The following CFAP99 variants were observed in gnomAD, a reference collection of about 807,000 sequenced individuals.
CFAP99 encodes the protein cilia- and flagella-associated protein 99.
In CFAP99, 84 loss-of-function variants were observed where a neutral mutation model predicts 82.7. The observed-to-expected ratio is 1.02, with a 90% CI of 0.85 to 1.22. The LOEUF (loss-of-function observed/expected upper bound fraction) is 1.22. Ranked by LOEUF, CFAP99 falls within the 50% of genes most tolerant of loss-of-function variation. CFAP99 has a pLI of 0.00. For missense variants in CFAP99, 1,059 were observed against 983.5 expected, an observed-to-expected ratio of 1.08 and a Z score of -1.03; for synonymous variants, 456 against 429.5, an observed-to-expected ratio of 1.06 and a Z score of -0.76.
chr4:2,451,125 C>A (rs1191361169), intron 9 of CFAP99, 107 bp downstream of exon 9: 1 of 1,454,586 alleles, frequency 6.9e-7, no homozygotes, highest in South Asian at 1.2e-5. Context: ...GACCTAGAGT[C>A]CCAAGGACGG....
At chr4:2,458,480 C>T (rs1734487573) in intron 11 of CFAP99, among the ~76,000 whole-genome samples, 1 of 152,106 alleles carries the variant, frequency 6.6e-6, no homozygotes, top group Non-Finnish European at 1.5e-5. Context: ...GCTTCAGATG[C>T]AGGAAGGTTC....
At chr4:2,438,449 A>T (rs1029510044) in intron 4 of CFAP99, among the ~76,000 whole-genome samples, 5 of 151,996 alleles carry the variant, frequency 3.3e-5, no homozygotes, top group African/African-American at 1.2e-4. Flanking sequence ...TTTTTAGTAG[A>T]GACGGGGTTT....
chr4:2,463,001 G>T, downstream of CFAP99: 2 of 837,480 alleles, frequency 2.4e-6, no homozygotes, highest in Non-Finnish European at 3.1e-6. Context: ...TGCGGCCCGC[G>T]GTGCGCGCCT....
exon 3 of CFAP99, chr4:2,436,880 A>G (rs2108719047): frequency 6.5e-7 from 1 of 1,535,598 alleles, no homozygotes; most frequent in South Asian, 1.2e-5. Context: ...CCAGGCTCTG[A>G]GCCCCCAGAA....
At chr4:2,421,336 T>C (rs979773061) in intron 1 of CFAP99, among the ~76,000 whole-genome samples, 2 of 151,066 alleles carry the variant, frequency 1.3e-5, no homozygotes, top group Non-Finnish European at 2.9e-5. Flanking sequence ...AAGAGAAGCT[T>C]TAGTCTGCCC....
intron 2 of CFAP99, among the ~76,000 whole-genome samples, chr4:2,435,125 A>G (rs1733880687): frequency 6.6e-6 from 1 of 152,058 alleles, no homozygotes; most frequent in South Asian, 2.1e-4. Context: ...GTGAAACCCC[A>G]TCTCTACTAA....
At chr4:2,421,029 A>G (rs532876240) in intron 1 of CFAP99, among the ~76,000 whole-genome samples, 1 of 152,362 alleles carries the variant, frequency 6.6e-6, no homozygotes, top group South Asian at 2.1e-4. Context: ...GACCCAGCTA[A>G]AAATCAGAGT....
intron 11 of CFAP99, among the ~76,000 whole-genome samples, chr4:2,453,685 G>A (rs920789818): frequency 2.7e-5 from 4 of 148,418 alleles, no homozygotes; most frequent in Admixed American, 6.7e-5. Flanking sequence ...TCTGTGAACC[G>A]TCTGTCCATG....
rs567847274 is a variant in CFAP99 at position 2,453,642 on chromosome 4, C to A, written c.1161+1296C>A. On this transcript the variant is annotated intron_variant, in intron 11 of 14. Coordinates refer to ENST00000635017, the Ensembl canonical transcript of CFAP99. ...TTATCAGTGAATTTGAGCAAATGTC[C>A]ACATATACATATATAAATGATTTGT... is the stretch of plus-strand genomic sequence containing the variant. 8.4e-5 allele frequency among the ~76,000 whole-genome samples: 8 copies of A among 95,470 alleles called. No homozygotes were observed. In the East Asian group the frequency reaches 2.5e-3, roughly 30 times the overall value. The allele number at this position is 95,470 out of a possible 152,430, so 62.6% of individuals were successfully genotyped here. A position where few individuals can be genotyped will look rare whatever the true frequency, so the allele number is the denominator to read the frequency against.
chr4:2,433,950 C>A (rs1439502876), intron 2 of CFAP99, among the ~76,000 whole-genome samples: 1 of 152,186 alleles, frequency 6.6e-6, no homozygotes, highest in Non-Finnish European at 1.5e-5. Context: ...ACGCCTGACC[C>A]GACATCCATC....
Position 2,452,436 on chromosome 4 carries a change from TGA to T in CFAP99, c.1161+92_1161+93del, listed in dbSNP as rs527429306. The T allele has an allele frequency of 1.5e-4, 199 of 1,361,582 alleles. No homozygotes were observed. The African/African-American group carries it at 2.6e-3, about 18-fold the overall frequency. 84.3% of individuals were successfully genotyped at this position (1,361,582 alleles called of 1,614,324 possible). A position where few individuals can be genotyped will look rare whatever the true frequency, so the allele number is the denominator to read the frequency against. On this transcript the variant is annotated intron_variant, in intron 11 of 14. Coordinates refer to ENST00000635017, the Ensembl canonical transcript of CFAP99. ...GCAGGGCCAGGGCTGGCAGTGGAGC[TGA>T]GTGTCCACAGCGCCCCCGTAGAAGC...
intron 1 of CFAP99, among the ~76,000 whole-genome samples, chr4:2,420,254 A>C (rs1733543903): frequency 6.6e-6 from 1 of 152,012 alleles, no homozygotes; most frequent in South Asian, 2.1e-4. Flanking sequence ...CTACAGTTAC[A>C]TGGTTTTATA....
intron 11 of CFAP99, among the ~76,000 whole-genome samples, chr4:2,457,687 C>T (rs1045805963): frequency 6.6e-6 from 1 of 152,256 alleles, no homozygotes; most frequent in African/African-American, 2.4e-5. Flanking sequence ...ACACACTCAT[C>T]GCTTGCCAAA....
At chr4:2,421,554 A>G (rs959933037) in intron 1 of CFAP99, among the ~76,000 whole-genome samples, 2 of 151,968 alleles carry the variant, frequency 1.3e-5, no homozygotes, top group African/African-American at 4.8e-5. Context: ...GGTTTTCACC[A>G]TGTTGACTGG....
intron 13 of CFAP99, 43 bp from the exon 14 acceptor site, chr4:2,459,994 C>T: frequency 3.3e-6 from 5 of 1,522,028 alleles, no homozygotes; most frequent in Non-Finnish European, 4.4e-6. Flanking sequence ...GCATCGGGGC[C>T]CAGCACAGCT....
At position 2,431,296 on chromosome 4, in the gene CFAP99, G is replaced by C. The variant is rs61087413; in HGVS notation, c.111+4710G>C. 4.6e-3 allele frequency among the ~76,000 whole-genome samples: 705 copies of C among 152,028 alleles called. 53 individuals are homozygous for C. The East Asian group carries it at 0.13, about 27-fold the overall frequency. On this transcript the variant is annotated intron_variant, in intron 2 of 14. Coordinates refer to ENST00000635017, the Ensembl canonical transcript of CFAP99. ...AGGTAGGAGAATGGCGTGAACCTGG[G>C]AGGCGGAGGTTGCAGTGAGTCGAGA...
intron 11 of CFAP99, among the ~76,000 whole-genome samples, chr4:2,457,173 G>A: frequency 6.6e-6 from 1 of 151,890 alleles, no homozygotes; most frequent in Non-Finnish European, 1.5e-5. Context: ...AAACTCCTGA[G>A]CTCAAGCAAT....
chr4:2,447,195 T>A (rs1203810), intron 6 of CFAP99, among the ~76,000 whole-genome samples: 17,734 of 150,634 alleles, frequency 0.12, 1,121 homozygotes, highest in Middle Eastern at 0.24. Context: ...GGTGAGTGAA[T>A]GAATGAATGA....
At chr4:2,419,540 C>T (rs1733498585) in intron 1 of CFAP99, among the ~76,000 whole-genome samples, 1 of 152,192 alleles carries the variant, frequency 6.6e-6, no homozygotes, top group South Asian at 2.1e-4. Context: ...CCCTGCCGCA[C>T]CACCACCACG....
Sources: allele counts gnomAD v4.1 joint callset (sites outside exome capture counted in the v4.1 genomes callset), GRCh38; gene constraint gnomAD v4.1.1; transcripts MANE v1.5; gene names NCBI Gene and HGNC (gene_info 2026-07-23, HGNC 2026-07-21).